Variants in LIPI observed in about 807,000 individuals in gnomAD.
LIPI encodes lipase member I.
A neutral mutation model predicts 50.6 loss-of-function variants in LIPI; 59 were observed. The observed-to-expected ratio is 1.16, with a 90% CI of 0.94 to 1.45. The LOEUF (loss-of-function observed/expected upper bound fraction) is 1.45. Ranked by LOEUF, LIPI falls within the 40% of genes most tolerant of loss-of-function variation. The pLI is 0.00. For synonymous variants in LIPI, 203 were observed against 178.2 expected (o/e 1.14, Z -1.11); for missense variants, 586 against 536.3 (o/e 1.09, Z -0.92).
chr21:14,197,029 AC>A (rs1159953090), intron 1 of LIPI, among the ~76,000 whole-genome samples: 1 of 111,046 alleles, frequency 9.0e-6, no homozygotes. Context: ...GGACAAATAC[AC>A]ACACACACAC....
chr21:14,130,860 A>G (rs2017265813), intron 9 of LIPI, among the ~76,000 whole-genome samples: 1 of 152,132 alleles, frequency 6.6e-6, no homozygotes, highest in South Asian at 2.1e-4. Context: ...GCATTGCTCC[A>G]CCACCACTCA....
chr21:14,146,342 C>T (rs2017903326), intron 8 of LIPI, among the ~76,000 whole-genome samples: 1 of 152,002 alleles, frequency 6.6e-6, no homozygotes, highest in South Asian at 2.1e-4. Context: ...TATTAAATGG[C>T]ATCACCACCT....
At chr21:14,177,665 T>G (rs2019141971) in intron 4 of LIPI, among the ~76,000 whole-genome samples, 3 of 152,126 alleles carry the variant, frequency 2.0e-5, no homozygotes, top group Admixed American at 2.0e-4. Context: ...TTCTATACAA[T>G]GAAAGGAACA....
intron 7 of LIPI, among the ~76,000 whole-genome samples, chr21:14,162,015 T>C (rs1342390628): frequency 6.8e-6 from 1 of 147,314 alleles, no homozygotes. Context: ...TGATTCACTA[T>C]ACCTTTAGTT....
At chr21:14,181,517 A>G (rs1006849791) in intron 4 of LIPI, among the ~76,000 whole-genome samples, 30 of 152,168 alleles carry the variant, frequency 2.0e-4, no homozygotes, top group African/African-American at 7.2e-4. Context: ...TCAGTGTTTT[A>G]GGATGACATG....
At chr21:14,151,224 C>A (rs76742499) in intron 8 of LIPI, among the ~76,000 whole-genome samples, 2 of 152,054 alleles carry the variant, frequency 1.3e-5, no homozygotes. Context: ...ATTTTAATAT[C>A]GTTTCAGATT....
intron 4 of LIPI, among the ~76,000 whole-genome samples, chr21:14,181,014 T>C (rs2019251931): frequency 6.6e-6 from 1 of 152,178 alleles, no homozygotes; most frequent in Non-Finnish European, 1.5e-5. Flanking sequence ...GACTCTGCCA[T>C]TTACTGACCT....
intron 4 of LIPI, among the ~76,000 whole-genome samples, chr21:14,180,062 T>C (rs1302039409): frequency 6.6e-6 from 1 of 152,100 alleles, no homozygotes; most frequent in Non-Finnish European, 1.5e-5. Flanking sequence ...GGAGGAGATC[T>C]ATAAATGGCC....
chr21:14,169,815 A>G (rs2018827017), intron 4 of LIPI, among the ~76,000 whole-genome samples: 1 of 152,210 alleles, frequency 6.6e-6, no homozygotes, highest in Non-Finnish European at 1.5e-5. Context: ...TAGAAAAGCA[A>G]GAGCAAACAC....
At chr21:14,180,776 G>A (rs1403236780) in intron 4 of LIPI, among the ~76,000 whole-genome samples, 1 of 152,138 alleles carries the variant, frequency 6.6e-6, no homozygotes, top group Non-Finnish European at 1.5e-5. Context: ...TCAGTCTATT[G>A]ACATGTAGTC....
At chr21:14,188,980 A>G in intron 2 of LIPI, 54 bp downstream of exon 2, 2 of 1,355,578 alleles carry the variant, frequency 1.5e-6, no homozygotes, top group Non-Finnish European at 2.1e-6. Flanking sequence ...CATATTGTAT[A>G]GCACGTATAA....
intron 3 of LIPI, among the ~76,000 whole-genome samples, chr21:14,182,089 T>G (rs530222937): frequency 6.6e-6 from 1 of 152,194 alleles, no homozygotes; most frequent in Non-Finnish European, 1.5e-5. Context: ...CAACAAAATA[T>G]TGTCGGAATT....
At chr21:14,130,418 A>G (rs2017248860) in intron 9 of LIPI, among the ~76,000 whole-genome samples, 1 of 152,178 alleles carries the variant, frequency 6.6e-6, no homozygotes, top group South Asian at 2.1e-4. Context: ...GTTCAAGTTG[A>G]CATTGCTACC....
chr21:14,169,502 T>C (rs2018814313), intron 4 of LIPI, among the ~76,000 whole-genome samples: 1 of 152,158 alleles, frequency 6.6e-6, no homozygotes, highest in Admixed American at 6.5e-5. Flanking sequence ...ACAGAAATTA[T>C]AACAAACTGT....
chr21:14,155,693 C>A (rs1409953063), intron 7 of LIPI, among the ~76,000 whole-genome samples: 1 of 151,986 alleles, frequency 6.6e-6, no homozygotes, highest in Non-Finnish European at 1.5e-5. Flanking sequence ...AAAGAAAATA[C>A]TGCCAACCTC....
At chr21:14,160,330 A>G (rs2018419436) in intron 7 of LIPI, among the ~76,000 whole-genome samples, 1 of 151,326 alleles carries the variant, frequency 6.6e-6, no homozygotes, top group Admixed American at 6.6e-5. Context: ...GACCCAACAC[A>G]AATAGGTACA....
chr21:14,202,321 C>G lies in LIPI; in HGVS notation c.46+8479G>C, dbSNP rs985251169. ...TACCAATGACTTTCTTCACAGAATTCGAAAAAACTATTTTAAAGTTCATAT... is the reference window on the plus strand; with the variant it reads ...TACCAATGACTTTCTTCACAGAATTGGAAAAAACTATTTTAAAGTTCATAT... On this transcript the variant is annotated intron_variant, in intron 1 of 9. Coordinates refer to ENST00000681601, the MANE Select transcript of LIPI (RefSeq NM_001302998.2). Among the ~76,000 whole-genome samples, 16 of 151,836 alleles carry G rather than the reference C, an allele frequency of 1.1e-4. 1 individual carries two copies. Among genetic ancestry groups the G allele is most frequent in the South Asian group, 6.2e-4 (3 of 4,820 alleles).
intron 9 of LIPI, among the ~76,000 whole-genome samples, chr21:14,115,059 C>T (rs1297411744): frequency 2.0e-5 from 3 of 152,136 alleles, no homozygotes; most frequent in East Asian, 1.9e-4. Context: ...ACAACCAAGA[C>T]ATTTTTACTT....
chr21:14,136,143 T>C (rs1568842685), intron 9 of LIPI, among the ~76,000 whole-genome samples: 2 of 152,168 alleles, frequency 1.3e-5, no homozygotes, highest in African/African-American at 4.8e-5. Flanking sequence ...TGAAGAGCCC[T>C]TGGGCCCTGA....
Sources: gnomAD v4.1 joint callset for allele counts (sites outside exome capture counted in the v4.1 genomes callset) on GRCh38, gnomAD v4.1.1 for gene constraint, MANE v1.5 for transcripts, NCBI Gene and HGNC (gene_info 2026-07-23, HGNC 2026-07-21) for gene names.